Variants in SHISAL2B observed in about 807,000 individuals in gnomAD.
SHISAL2B encodes the protein protein shisa-like-2B.
SHISAL2B carries 12 observed loss-of-function variants against 16.5 expected under a neutral mutation model. The observed-to-expected ratio is 0.73, with a 90% CI of 0.47 to 1.18. The LOEUF is 1.18. Among genes scored for constraint, SHISAL2B ranks in the 50% most tolerant of loss-of-function variants. SHISAL2B has a pLI of 0.00. For synonymous variants in SHISAL2B, 72 were observed against 75.0 expected (o/e 0.96, Z 0.21); for missense variants, 183 against 193.6 (o/e 0.95, Z 0.33).
chr5:64,715,470 T>G (rs1049187999), intron 2 of SHISAL2B, among the ~76,000 whole-genome samples: 3 of 151,888 alleles, frequency 2.0e-5, no homozygotes, highest in Non-Finnish European at 4.4e-5. Context: ...GCTGGAGAAT[T>G]AGAGACACTA....
intron 2 of SHISAL2B, among the ~76,000 whole-genome samples, chr5:64,700,594 G>T (rs890636691): frequency 2.6e-5 from 4 of 152,042 alleles, no homozygotes; most frequent in Admixed American, 2.6e-4. Flanking sequence ...TGTATTTTCA[G>T]TAAAGGTGAG....
chr5:64,711,241 G>T (rs921871726), intron 2 of SHISAL2B, among the ~76,000 whole-genome samples: 2 of 141,552 alleles, frequency 1.4e-5, no homozygotes, highest in African/African-American at 5.9e-5. Context: ...AGAGTTTTTA[G>T]CATGAAGGGT....
intron 2 of SHISAL2B, among the ~76,000 whole-genome samples, chr5:64,705,474 A>G (rs1003222019): frequency 6.6e-6 from 1 of 152,216 alleles, no homozygotes; most frequent in South Asian, 2.1e-4. Context: ...TTAACACTAC[A>G]CTTTTTAGAT....
At chr5:64,693,797 G>T (rs979104805) in intron 1 of SHISAL2B, among the ~76,000 whole-genome samples, 1 of 152,174 alleles carries the variant, frequency 6.6e-6, no homozygotes, top group African/African-American at 2.4e-5. Context: ...TAACTCTACA[G>T]TGAGTCACTC....
At chr5:64,709,984 G>C (rs1425534596) in intron 2 of SHISAL2B, among the ~76,000 whole-genome samples, 6 of 150,304 alleles carry the variant, frequency 4.0e-5, no homozygotes, top group African/African-American at 1.5e-4. Context: ...CATATTGTAG[G>C]TTGCCTGTTC....
rs551823678 is a variant in SHISAL2B, at chr5:64,709,357, G to C, written c.350-8532G>C. 1.3e-4 allele frequency among the ~76,000 whole-genome samples: 19 copies of C among 151,644 alleles called. No homozygotes were observed. The South Asian group carries it at 4.0e-3, about 32-fold the overall frequency. On this transcript the variant is annotated intron_variant, in intron 2 of 2. Coordinates refer to ENST00000389074, the MANE Select transcript of SHISAL2B (RefSeq NM_001164442.2). ...CCAGTCTCATCCATTTCCCTACAAA[G>C]GACATGAACTCATCATTTTTTATGG...
chr5:64,708,164 T>C (rs1480677823), intron 2 of SHISAL2B, among the ~76,000 whole-genome samples: 4 of 152,144 alleles, frequency 2.6e-5, no homozygotes, highest in Non-Finnish European at 5.9e-5. Flanking sequence ...TGGGAACACA[T>C]ACCAATAACC....
At position 64,718,159 on chromosome 5, in the gene SHISAL2B, T is replaced by G. The variant is rs1216408671; in HGVS notation, c.*137T>G. 6.3e-6 allele frequency: 4 copies of G among 634,330 alleles called. No individual in the cohort carries two copies. In the African/African-American group the frequency reaches 7.7e-5, roughly 12 times the overall value. The allele number at this position is 634,330 out of a possible 1,614,324, so 39.3% of individuals were successfully genotyped here. On this transcript the variant is annotated 3_prime_UTR_variant, in exon 3 of 3. Coordinates refer to ENST00000389074, the MANE Select transcript of SHISAL2B (RefSeq NM_001164442.2). ...AAGACACAGCTGCATTTTTGATCAT[T>G]CAGTTACTTTATTAAACGCACATTA...
intron 2 of SHISAL2B, among the ~76,000 whole-genome samples, chr5:64,699,966 T>C (rs935188339): frequency 1.3e-5 from 2 of 152,236 alleles, no homozygotes; most frequent in Admixed American, 1.3e-4. Context: ...AGAGGACCTA[T>C]TGCTAAAGCA....
chr5:64,697,527 G>A (rs1159806241), intron 2 of SHISAL2B, among the ~76,000 whole-genome samples: 2 of 152,052 alleles, frequency 1.3e-5, no homozygotes, highest in Non-Finnish European at 2.9e-5. Flanking sequence ...GCAAAGAATT[G>A]TTAAAACTGT....
chr5:64,708,667 G>T (rs1741907308), intron 2 of SHISAL2B, among the ~76,000 whole-genome samples: 1 of 151,872 alleles, frequency 6.6e-6, no homozygotes, highest in Admixed American at 6.6e-5. Context: ...TGTTTACTTT[G>T]CAAAGTCAAT....
At chr5:64,700,943 T>G (rs1052292143) in intron 2 of SHISAL2B, among the ~76,000 whole-genome samples, 1 of 152,142 alleles carries the variant, frequency 6.6e-6, no homozygotes, top group African/African-American at 2.4e-5. Flanking sequence ...CAGTGTTGAT[T>G]TGACAGGAGG....
intron 2 of SHISAL2B, among the ~76,000 whole-genome samples, chr5:64,715,355 C>T (rs541032362): frequency 1.3e-5 from 2 of 151,900 alleles, no homozygotes; most frequent in South Asian, 2.1e-4. Context: ...AGAGGATGTA[C>T]AGTAGCTACT....
intron 1 of SHISAL2B, among the ~76,000 whole-genome samples, chr5:64,693,389 G>A (rs1423683889): frequency 6.6e-6 from 1 of 152,162 alleles, no homozygotes; most frequent in African/African-American, 2.4e-5. Context: ...TTAACAGAAA[G>A]CATGGATGGC....
chr5:64,691,517 A>G (rs777654846), intron 1 of SHISAL2B: 1 of 151,812 alleles, frequency 6.6e-6, no homozygotes, highest in Non-Finnish European at 1.5e-5. Context: ...TTTGGTTGCT[A>G]TGATTATACA....
At chr5:64,693,181 G>A (rs984868789) in intron 1 of SHISAL2B, among the ~76,000 whole-genome samples, 1 of 151,948 alleles carries the variant, frequency 6.6e-6, no homozygotes, top group African/African-American at 2.4e-5. Context: ...CTAATTTTTT[G>A]TATTTTTAGT....
In SHISAL2B at chr5:64,714,352, G is replaced by A. The variant is rs1256040631; in HGVS notation, c.350-3537G>A. On this transcript the variant is annotated intron_variant, in intron 2 of 2. Coordinates refer to ENST00000389074, the MANE Select transcript of SHISAL2B (RefSeq NM_001164442.2). The stretch of plus-strand genomic sequence containing the variant: ...GGGGTGCCTCCCAGTTAGGTTGCTC[G>A]GGGGTCAGGGGTCAGGGACCCACTT... Among the ~76,000 whole-genome samples the A allele has an allele frequency of 6.6e-4, 95 of 144,944 alleles. 1 individual carries two copies. In the South Asian group the frequency reaches 0.015, roughly 23 times the overall value.
chr5:64,703,382 A>T (rs1233076950), intron 2 of SHISAL2B, among the ~76,000 whole-genome samples: 1 of 152,226 alleles, frequency 6.6e-6, no homozygotes, highest in African/African-American at 2.4e-5. Flanking sequence ...GTTTTTATTT[A>T]AAATAATGAG....
In SHISAL2B at chr5:64,709,258, A is replaced by G. The variant is rs549106154; in HGVS notation, c.350-8631A>G. On this transcript the variant is annotated intron_variant, in intron 2 of 2. Coordinates refer to ENST00000389074, the MANE Select transcript of SHISAL2B (RefSeq NM_001164442.2). ...TGTGTCCATGTGATCTCATTGTTCA[A>G]TTCCCACCTATGAGTGAGAATATGT... Among the ~76,000 whole-genome samples, 499 of 145,084 alleles carry G rather than the reference A, an allele frequency of 3.4e-3. 2 individuals carry two copies. The highest frequency in any genetic ancestry group is 0.011 in the African/African-American group (424 of 38,958).
Sources: gnomAD v4.1 joint callset for allele counts (sites outside exome capture counted in the v4.1 genomes callset) on GRCh38, gnomAD v4.1.1 for gene constraint, MANE v1.5 for transcripts, NCBI Gene and HGNC (gene_info 2026-07-23, HGNC 2026-07-21) for gene names.